SEMA5A: variants seen among roughly 807,000 people sequenced by gnomAD.
SEMA5A encodes semaphorin-5A.
A neutral mutation model predicts 135.5 loss-of-function variants in SEMA5A; 55 were observed. The observed-to-expected ratio is 0.41, with a 90% CI of 0.33 to 0.51. The LOEUF (loss-of-function observed/expected upper bound fraction) is 0.51, where lower values mean the gene tolerates loss of function less well. Ranked by LOEUF, SEMA5A falls within the 20% of genes least tolerant of loss-of-function variation. The pLI is 0.37. For synonymous variants in SEMA5A, 580 were observed against 546.5 expected, an observed-to-expected ratio of 1.06 and a Z score of -0.85; for missense variants, 1,290 against 1,419.9, an observed-to-expected ratio of 0.91 and a Z score of 1.47.
At chr5:9,310,134 C>G (rs533067023) in intron 5 of SEMA5A, among the ~76,000 whole-genome samples, 71 of 152,112 alleles carry the variant, frequency 4.7e-4, no homozygotes, top group African/African-American at 1.6e-3. Context: ...AGGTGACAAA[C>G]TTTTTCTTAA....
intron 2 of SEMA5A, among the ~76,000 whole-genome samples, chr5:9,408,540 C>G (rs1384016495): frequency 1.3e-5 from 2 of 152,184 alleles, no homozygotes; most frequent in Non-Finnish European, 2.9e-5. Context: ...AACAAGCTTT[C>G]CAGTGGATTG....
At chr5:9,144,555 T>A (rs6863413) in intron 12 of SEMA5A, among the ~76,000 whole-genome samples, 78,461 of 151,984 alleles carry the variant, frequency 0.52, 20,589 homozygotes, top group Non-Finnish European at 0.56. Flanking sequence ...AAGTGTGAGG[T>A]CTGCCTTGAA....
chr5:9,446,803 A>C (rs1014390444), intron 1 of SEMA5A, among the ~76,000 whole-genome samples: 1 of 152,228 alleles, frequency 6.6e-6, no homozygotes, highest in Non-Finnish European at 1.5e-5. Context: ...TAACTCTTTA[A>C]AAAATTATTT....
At chr5:9,111,727 G>A (rs1560927206) in intron 15 of SEMA5A, among the ~76,000 whole-genome samples, 1 of 152,094 alleles carries the variant, frequency 6.6e-6, no homozygotes, top group Non-Finnish European at 1.5e-5. Flanking sequence ...TTTGTGTCTG[G>A]GTTTTCACTT....
chr5:9,282,698 C>T (rs908881420), intron 5 of SEMA5A, among the ~76,000 whole-genome samples: 24 of 152,132 alleles, frequency 1.6e-4, no homozygotes, highest in African/African-American at 4.3e-4. Flanking sequence ...CCCAAACAGC[C>T]GCCTCCCGTG....
At chr5:9,104,779 G>A (rs958112669) in intron 16 of SEMA5A, among the ~76,000 whole-genome samples, 1 of 152,214 alleles carries the variant, frequency 6.6e-6, no homozygotes, top group Non-Finnish European at 1.5e-5. Flanking sequence ...GGGCTGACAT[G>A]CAGACCTGGA....
At chr5:9,265,070 T>C (rs1241270055) in intron 5 of SEMA5A, among the ~76,000 whole-genome samples, 1 of 152,150 alleles carries the variant, frequency 6.6e-6, no homozygotes, top group African/African-American at 2.4e-5. Flanking sequence ...TAGGGAAAAT[T>C]CTTACTATGT....
chr5:9,484,926 G>T lies in SEMA5A; in HGVS notation c.-174-47074C>A, dbSNP rs185511312. On this transcript the variant is annotated intron_variant, in intron 1 of 22. Coordinates refer to ENST00000382496, the MANE Select transcript of SEMA5A (RefSeq NM_003966.3). ...CCAACAGACACCCATGAGTGGGGCT[G>T]CATATATAACAAATAAAGATACTGG... 7.5e-4 allele frequency among the ~76,000 whole-genome samples: 114 copies of T among 152,240 alleles called. No individual in the cohort carries two copies. The East Asian group carries it at 8.1e-3, about 11-fold the overall frequency.
At chr5:9,407,447 G>C (rs1756931430) in intron 2 of SEMA5A, among the ~76,000 whole-genome samples, 1 of 152,190 alleles carries the variant, frequency 6.6e-6, no homozygotes, top group Non-Finnish European at 1.5e-5. Context: ...ACAGGCTTCT[G>C]TTACCACAGT....
intron 1 of SEMA5A, among the ~76,000 whole-genome samples, chr5:9,478,372 C>T (rs1473737496): frequency 6.6e-6 from 1 of 152,190 alleles, no homozygotes; most frequent in Non-Finnish European, 1.5e-5. Flanking sequence ...CCACCATTCT[C>T]CAGACCCCAG....
At chr5:9,355,821 G>C (rs761180626) in intron 3 of SEMA5A, among the ~76,000 whole-genome samples, 4 of 152,168 alleles carry the variant, frequency 2.6e-5, no homozygotes, top group Non-Finnish European at 5.9e-5. Context: ...GGAGTGTTCT[G>C]CATTAGAACA....
intron 16 of SEMA5A, among the ~76,000 whole-genome samples, chr5:9,092,115 A>G (rs1032998262): frequency 3.3e-5 from 5 of 152,180 alleles, no homozygotes; most frequent in African/African-American, 1.2e-4. Context: ...AGTCAACCAG[A>G]TTCATATTCC....
In SEMA5A at chr5:9,379,854, C is replaced by G; in HGVS notation, c.93G>C (p.Gln31His). The G allele has an allele frequency of 6.2e-7, 1 of 1,614,050 alleles. No homozygotes were observed. The highest frequency in any genetic ancestry group is 8.5e-7 in the Non-Finnish European group (1 of 1,179,976). ...AGGAGATGACTGGATGCTCGGTTCT[C>G]TGGCACTGAGTCGTACCCTGGGCCT... ...HPEAQGTTQCQRTEHPVISYK... is the reference protein window; with the variant it reads ...HPEAQGTTQCHRTEHPVISYK... The change falls in exon 3 of 23, where the codon CAG becomes CAC. Residue 31 changes from glutamine to histidine, a missense_variant. Transcript: ENST00000382496.
At chr5:9,396,614 C>T (rs1258763719) in intron 2 of SEMA5A, among the ~76,000 whole-genome samples, 1 of 152,122 alleles carries the variant, frequency 6.6e-6, no homozygotes, top group Admixed American at 6.5e-5. Context: ...GAGCCAACTA[C>T]CACAGCAGTA....
chr5:9,168,433 T>A (rs574810927), intron 11 of SEMA5A, among the ~76,000 whole-genome samples: 1 of 152,252 alleles, frequency 6.6e-6, no homozygotes, highest in East Asian at 1.9e-4. Flanking sequence ...TCTTGACTAT[T>A]CTTTAACTGC....
chr5:9,064,557 C>A (rs900217478), intron 17 of SEMA5A, among the ~76,000 whole-genome samples: 9 of 151,652 alleles, frequency 5.9e-5, no homozygotes, highest in Admixed American at 2.0e-4. Context: ...AAAACCCAAA[C>A]ACTGCATGTT....
intron 5 of SEMA5A, among the ~76,000 whole-genome samples, chr5:9,272,762 G>A (rs1750049075): frequency 6.6e-6 from 1 of 152,160 alleles, no homozygotes; most frequent in Admixed American, 6.5e-5. Flanking sequence ...CACGCCTGCA[G>A]AAGAGGGGCC....
chr5:9,042,370 T>C lies in SEMA5A; in HGVS notation c.*527A>G, dbSNP rs1736007762. 6.5e-6 allele frequency: 1 copy of C among 154,392 alleles called. No individual in the cohort carries two copies. The highest frequency in any genetic ancestry group is 2.4e-5 in the African/African-American group (1 of 41,468). The allele number at this position is 154,392 out of a possible 1,614,324, so 9.6% of individuals were successfully genotyped here. On this transcript the variant is annotated 3_prime_UTR_variant, in exon 23 of 23. Coordinates refer to ENST00000382496, the MANE Select transcript of SEMA5A (RefSeq NM_003966.3). ...GCAAGATGAAAACACTCAAGCTGCT[T>C]CCAAGAATCCCACAGCTTTATCCAG...
chr5:9,267,164 C>T (rs1437905273), intron 5 of SEMA5A, among the ~76,000 whole-genome samples: 1 of 151,444 alleles, frequency 6.6e-6, no homozygotes, highest in Non-Finnish European at 1.5e-5. Flanking sequence ...ACCTGATGTT[C>T]ACATTCAGAA....
Sources: allele counts gnomAD v4.1 joint callset (sites outside exome capture counted in the v4.1 genomes callset), GRCh38; gene constraint gnomAD v4.1.1; transcripts MANE v1.5; gene names NCBI Gene and HGNC (gene_info 2026-07-23, HGNC 2026-07-21).